ZFPM2: variants seen among roughly 807,000 people sequenced by gnomAD.
The protein encoded by ZFPM2 is zinc finger protein ZFPM2.
Under a neutral mutation model 98.6 loss-of-function variants are expected in ZFPM2, and 20 were observed. The observed-to-expected ratio is 0.20, with a 90% CI of 0.14 to 0.29. The LOEUF (loss-of-function observed/expected upper bound fraction) is 0.29, where lower values mean the gene tolerates loss of function less well. ZFPM2 is among the 10% of genes least tolerant of loss of function. The pLI is 1.00. For synonymous variants in ZFPM2, 518 were observed against 502.7 expected, an observed-to-expected ratio of 1.03 and a Z score of -0.41; for missense variants, 1,310 against 1,388.6, an observed-to-expected ratio of 0.94 and a Z score of 0.90.
intron 5 of ZFPM2, among the ~76,000 whole-genome samples, chr8:105,701,467 A>G (rs1811139634): frequency 6.6e-6 from 1 of 152,202 alleles, no homozygotes; most frequent in African/African-American, 2.4e-5. Context: ...TGGAAAGTAA[A>G]CTTACTATTC....
intron 5 of ZFPM2, among the ~76,000 whole-genome samples, chr8:105,707,115 C>T (rs1204368122): frequency 6.6e-6 from 1 of 151,632 alleles, no homozygotes; most frequent in Non-Finnish European, 1.5e-5. Flanking sequence ...CTGTGGTGCA[C>T]ACCTGTTGTC....
Position 105,519,177 on chromosome 8 carries a change from G to A in ZFPM2, c.302-42186G>A, listed in dbSNP as rs541155996. On this transcript the variant is annotated intron_variant, in intron 3 of 7. Coordinates refer to ENST00000407775, the MANE Select transcript of ZFPM2 (RefSeq NM_012082.4). ...TCAGTAACATGTCTACTGTTATATA[G>A]CTAGTAAGTGGCCAATCTGAGATTT... Among the ~76,000 whole-genome samples, 203 of 152,146 alleles carry A rather than the reference G, an allele frequency of 1.3e-3. 3 individuals are homozygous for A. Among genetic ancestry groups the A allele is most frequent in the Non-Finnish European group, 2.2e-3 (148 of 67,976 alleles).
chr8:105,413,414 A>T (rs554286948), intron 1 of ZFPM2, among the ~76,000 whole-genome samples: 1 of 150,870 alleles, frequency 6.6e-6, no homozygotes, highest in Non-Finnish European at 1.5e-5. Flanking sequence ...TCCCTTTTTT[A>T]TATGTATATT....
intron 6 of ZFPM2, 66 bp from the exon 7 acceptor site, chr8:105,798,658 C>T (rs763038018): frequency 1.5e-5 from 21 of 1,426,114 alleles, no homozygotes; most frequent in Non-Finnish European, 1.9e-5. Context: ...GAACTAAATG[C>T]TGCTTTACCC....
chr8:105,444,039 G>A (rs1166423655), intron 2 of ZFPM2, among the ~76,000 whole-genome samples: 2 of 152,006 alleles, frequency 1.3e-5, no homozygotes, highest in Admixed American at 6.5e-5. Flanking sequence ...AAATTTACAT[G>A]GAAATGTTTT....
intron 5 of ZFPM2, among the ~76,000 whole-genome samples, chr8:105,781,015 C>T (rs190856339): frequency 6.6e-6 from 1 of 152,334 alleles, no homozygotes; most frequent in African/African-American, 2.4e-5. Flanking sequence ...TTAACTCTTT[C>T]TACACTATGT....
At chr8:105,607,813 A>T (rs1257406712) in intron 4 of ZFPM2, among the ~76,000 whole-genome samples, 4 of 152,264 alleles carry the variant, frequency 2.6e-5, no homozygotes, top group Admixed American at 6.6e-5. Flanking sequence ...TAATGATTTA[A>T]TATATCCTAA....
At chr8:105,560,855 A>G (rs1815119793) in intron 3 of ZFPM2, among the ~76,000 whole-genome samples, 1 of 152,134 alleles carries the variant, frequency 6.6e-6, no homozygotes, top group Non-Finnish European at 1.5e-5. Context: ...CCGTCTAAAC[A>G]TTTTTTATTT....
In ZFPM2 at chr8:105,363,897, T is replaced by TTAAA. The variant is rs112491942; in HGVS notation, c.40+44919_40+44920insATAA. 9.4e-3 allele frequency among the ~76,000 whole-genome samples: 1,430 copies of TTAAA among 152,242 alleles called. 21 individuals are homozygous for TTAAA. Among genetic ancestry groups the TTAAA allele is most frequent in the African/African-American group, 0.033 (1,365 of 41,536 alleles). ...CCTCCTTGAATTTTCTAAAATTAAC[T>TTAAA]TAATTTATAAATAGATATTTCTCAG... On this transcript the variant is annotated intron_variant, in intron 1 of 7. Coordinates refer to ENST00000407775, the MANE Select transcript of ZFPM2 (RefSeq NM_012082.4).
intron 5 of ZFPM2, among the ~76,000 whole-genome samples, chr8:105,736,443 C>T (rs1185454959): frequency 6.6e-6 from 1 of 151,876 alleles, no homozygotes; most frequent in Non-Finnish European, 1.5e-5. Flanking sequence ...AGTGTGGCAT[C>T]CTTTGAGAAG....
intron 4 of ZFPM2, among the ~76,000 whole-genome samples, chr8:105,594,594 T>C (rs978069457): frequency 6.6e-6 from 1 of 152,236 alleles, no homozygotes; most frequent in South Asian, 2.1e-4. Context: ...GAAGCTGATA[T>C]AGTTCTTCCA....
intron 5 of ZFPM2, among the ~76,000 whole-genome samples, chr8:105,763,559 G>A (rs186156368): frequency 8.6e-5 from 13 of 151,922 alleles, no homozygotes; most frequent in Admixed American, 7.9e-4. Context: ...ACTATTCTGT[G>A]TTCAACCTTG....
intron 3 of ZFPM2, among the ~76,000 whole-genome samples, chr8:105,535,227 C>T (rs1814425307): frequency 6.6e-6 from 1 of 152,122 alleles, no homozygotes; most frequent in South Asian, 2.1e-4. Flanking sequence ...CTGTCTGTTT[C>T]CCAAGTAACC....
intron 5 of ZFPM2, among the ~76,000 whole-genome samples, chr8:105,714,386 C>T (rs1179719090): frequency 6.6e-6 from 1 of 151,950 alleles, no homozygotes; most frequent in East Asian, 1.9e-4. Context: ...AGGGTTTTCT[C>T]AGCATAGAAT....
At chr8:105,544,313 C>A (rs1814644423) in intron 3 of ZFPM2, among the ~76,000 whole-genome samples, 1 of 152,100 alleles carries the variant, frequency 6.6e-6, no homozygotes, top group South Asian at 2.1e-4. Flanking sequence ...CAGTATTCTA[C>A]ATGAGGTCAG....
rs756888707 is a variant in ZFPM2 at position 105,510,398 on chromosome 8, GTT to G, written c.302-50952_302-50951del. On this transcript the variant is annotated intron_variant, in intron 3 of 7. Transcript: ENST00000407775. ...AATATCAGGGCAGGGGTCTGTGCAT[GTT>G]TTTTTTTTTTTTGTTTGTTTGTTTG... Among the ~76,000 whole-genome samples the G allele has an allele frequency of 3.8e-3, 530 of 138,854 alleles. 3 individuals are homozygous for G. Among genetic ancestry groups the G allele is most frequent in the African/African-American group, 0.013 (486 of 38,304 alleles). 91.1% of individuals were successfully genotyped at this position (138,854 alleles called of 152,430 possible). A position where few individuals can be genotyped will look rare whatever the true frequency, so the allele number is the denominator to read the frequency against.
chr8:105,776,721 A>T (rs1202960782), intron 5 of ZFPM2, among the ~76,000 whole-genome samples: 1 of 152,196 alleles, frequency 6.6e-6, no homozygotes, highest in Non-Finnish European at 1.5e-5. Context: ...TTTTGTTTGT[A>T]GCTACTGACT....
chr8:105,428,858 A>T (rs904139144), intron 2 of ZFPM2, among the ~76,000 whole-genome samples: 34 of 152,306 alleles, frequency 2.2e-4, no homozygotes, highest in African/African-American at 7.9e-4. Context: ...AAACATAGGA[A>T]CTAGAAAAGT....
At chr8:105,778,200 T>C (rs544743043) in intron 5 of ZFPM2, among the ~76,000 whole-genome samples, 1 of 152,170 alleles carries the variant, frequency 6.6e-6, no homozygotes, top group East Asian at 1.9e-4. Context: ...AGCAATGTGG[T>C]TACGTATAGA....
Sources: allele counts gnomAD v4.1 joint callset (sites outside exome capture counted in the v4.1 genomes callset), GRCh38; gene constraint gnomAD v4.1.1; transcripts MANE v1.5; gene names NCBI Gene and HGNC (gene_info 2026-07-23, HGNC 2026-07-21).